PIK3R5: variants seen among roughly 807,000 people sequenced by gnomAD.
PIK3R5 encodes phosphoinositide 3-kinase regulatory subunit 5.
In PIK3R5, 32 loss-of-function variants were observed where a neutral mutation model predicts 94.9. The ratio of observed to expected loss-of-function variants is 0.34; its 90% CI spans 0.25 to 0.45. The LOEUF (loss-of-function observed/expected upper bound fraction) is 0.45, where lower values mean the gene tolerates loss of function less well. Ranked by LOEUF, PIK3R5 falls within the 20% of genes least tolerant of loss-of-function variation. PIK3R5 has a pLI of 1.00. For missense variants in PIK3R5, 853 were observed against 1,144.6 expected (o/e 0.75, Z 3.68); for synonymous variants, 443 against 479.4 (o/e 0.92, Z 0.99).
At chr17:8,963,601 G>C (rs559484386) in intron 1 of PIK3R5, among the ~76,000 whole-genome samples, 1 of 151,432 alleles carries the variant, frequency 6.6e-6, no homozygotes, top group Non-Finnish European at 1.5e-5. Flanking sequence ...GCAGTGAAGC[G>C]ATCATAGCTC....
chr17:8,959,538 G>C (rs1387366960), intron 1 of PIK3R5, among the ~76,000 whole-genome samples: 9 of 152,228 alleles, frequency 5.9e-5, no homozygotes, highest in Admixed American at 5.9e-4. Context: ...TCTAGAGAGA[G>C]TTTGAGACTC....
chr17:8,887,686 G>C lies in PIK3R5; in HGVS notation c.1617-3C>G. 5 of 1,588,412 alleles carry C rather than the reference G, an allele frequency of 3.1e-6. No homozygotes were observed. The highest frequency in any genetic ancestry group is 4.3e-6 in the Non-Finnish European group (5 of 1,167,264). Reference sequence around the variant, plus strand: ...GTGGGCGATTGTTCTCCAGCCGCCTGGCAAGAAGAAGATGGTGAGAAGGGG... The same window carrying C: ...GTGGGCGATTGTTCTCCAGCCGCCTCGCAAGAAGAAGATGGTGAGAAGGGG... On this transcript the variant is annotated splice_region_variant and splice_polypyrimidine_tract_variant and intron_variant, in intron 10 of 18. Coordinates refer to ENST00000447110, the MANE Select transcript of PIK3R5 (RefSeq NM_001142633.3).
At chr17:8,963,204 T>C (rs1179825975) in intron 1 of PIK3R5, among the ~76,000 whole-genome samples, 2 of 152,206 alleles carry the variant, frequency 1.3e-5, no homozygotes, top group Non-Finnish European at 2.9e-5. Context: ...CAAACAGGCA[T>C]TCTGGTTCTC....
chr17:8,936,306 C>T (rs2091075325), intron 1 of PIK3R5, among the ~76,000 whole-genome samples: 2 of 152,156 alleles, frequency 1.3e-5, no homozygotes, highest in African/African-American at 4.8e-5. Flanking sequence ...AGGGTGCACT[C>T]TTTGTGTTGT....
chr17:8,950,201 C>G (rs1458660455), intron 1 of PIK3R5, among the ~76,000 whole-genome samples: 1 of 152,220 alleles, frequency 6.6e-6, no homozygotes, highest in East Asian at 1.9e-4. Context: ...GGCTTCATAA[C>G]CTCACCCAAA....
rs755518335 is a variant in PIK3R5, at chr17:8,888,890, G to A, written c.897C>T (p.Asp299=). 1.0e-5 allele frequency: 16 copies of A among 1,595,328 alleles called. No individual in the cohort carries two copies. Among genetic ancestry groups the A allele is most frequent in the African/African-American group, 2.7e-5 (2 of 74,840 alleles). ...CCTTGAGCAGGATTTCCTGCAGGAT[G>A]TCTGCAGGGAAGCAAGGCCAGCACT... is the stretch of plus-strand genomic sequence containing the variant. The part of the protein sequence containing the change: ...YTYSWSQDSF[D]ILQEILLKEQ... Residue 299 remains aspartate (D), a splice_region_variant and synonymous_variant, in exon 10 of 19, where the codon GAC becomes GAT. Coordinates refer to ENST00000447110, the MANE Select transcript of PIK3R5 (RefSeq NM_001142633.3). The surrounding 1 kb of genome is among the most constrained non-coding windows in gnomAD (Gnocchi z 7.8).
intron 1 of PIK3R5, among the ~76,000 whole-genome samples, chr17:8,951,066 T>A (rs2091367273): frequency 6.6e-6 from 1 of 152,238 alleles, no homozygotes; most frequent in Non-Finnish European, 1.5e-5. Flanking sequence ...ATGAGCATTA[T>A]CTTTGATATG....
At chr17:8,934,215 G>A (rs578129750) in intron 1 of PIK3R5, among the ~76,000 whole-genome samples, 21 of 152,108 alleles carry the variant, frequency 1.4e-4, no homozygotes, top group African/African-American at 2.9e-4. Context: ...TACCATTAGC[G>A]AATTTATCAA....
At chr17:8,919,782 A>G (rs2090698368) in intron 1 of PIK3R5, among the ~76,000 whole-genome samples, 1 of 152,112 alleles carries the variant, frequency 6.6e-6, no homozygotes, top group Admixed American at 6.5e-5. Context: ...TTCCCAGTGC[A>G]TAACAAACAT....
In PIK3R5 at chr17:8,880,533, T is replaced by C. The variant is rs138070444; in HGVS notation, c.*106A>G. ...CATTGCAGGACCCACAGTGGGACTATGGCTCTGCACAGGGCCATTCAGTTC... is the reference window on the plus strand; with the variant it reads ...CATTGCAGGACCCACAGTGGGACTACGGCTCTGCACAGGGCCATTCAGTTC... On this transcript the variant is annotated 3_prime_UTR_variant, in exon 19 of 19. Coordinates refer to ENST00000447110, the MANE Select transcript of PIK3R5 (RefSeq NM_001142633.3). 8,581 of 1,163,504 alleles carry C rather than the reference T, an allele frequency of 7.4e-3. 54 individuals are homozygous for C. The highest frequency in any genetic ancestry group is 0.01 in the Middle Eastern group (35 of 3,440). The allele number at this position is 1,163,504 out of a possible 1,614,324, so 72.1% of individuals were successfully genotyped here.
Position 8,954,494 on chromosome 17 carries a change from G to A in PIK3R5, c.-14+11102C>T, listed in dbSNP as rs544824167. Among the ~76,000 whole-genome samples the A allele has an allele frequency of 1.2e-4, 19 of 152,314 alleles. 1 individual carries two copies. The South Asian group carries it at 3.9e-3, about 32-fold the overall frequency. Reference sequence around the variant, plus strand: ...GAAGCCCCTCTGCCTTGTAAACACCGTGTTGCAAACAGACACTTCCCCAGG... The same window carrying A: ...GAAGCCCCTCTGCCTTGTAAACACCATGTTGCAAACAGACACTTCCCCAGG... On this transcript the variant is annotated intron_variant, in intron 1 of 18. Coordinates refer to ENST00000447110, the MANE Select transcript of PIK3R5 (RefSeq NM_001142633.3).
intron 14 of PIK3R5, among the ~76,000 whole-genome samples, chr17:8,885,424 C>T (rs1270976349): frequency 6.7e-6 from 1 of 148,700 alleles, no homozygotes; most frequent in Non-Finnish European, 1.5e-5. Context: ...AACCCCGCCT[C>T]CCCATGGCCT....
intron 1 of PIK3R5, among the ~76,000 whole-genome samples, chr17:8,939,943 G>A (rs1223682026): frequency 6.6e-6 from 1 of 152,214 alleles, no homozygotes; most frequent in African/African-American, 2.4e-5. Flanking sequence ...TCCAAATAGA[G>A]TGTTTCAGTT....
Position 8,890,260 on chromosome 17 carries a change from A to C in PIK3R5, c.658-134T>G. 1 of 891,976 alleles carries C rather than the reference A, an allele frequency of 1.1e-6. No homozygotes were observed. Among genetic ancestry groups the C allele is most frequent in the Non-Finnish European group, 1.7e-6 (1 of 582,884 alleles). 55.3% of individuals were successfully genotyped at this position (891,976 alleles called of 1,614,324 possible). A position where few individuals can be genotyped will look rare whatever the true frequency, so the allele number is the denominator to read the frequency against. On this transcript the variant is annotated intron_variant, in intron 7 of 18. Transcript: ENST00000447110. The surrounding 1 kb of genome is among the most constrained non-coding windows in gnomAD (Gnocchi z 6.1). ...GCCTCATCACCCATCTCCTACCCAC[A>C]GCTGGCCAGGCAGCCAGGCCTCTCC...
chr17:8,959,640 G>A (rs1457419951), intron 1 of PIK3R5, among the ~76,000 whole-genome samples: 1 of 152,204 alleles, frequency 6.6e-6, no homozygotes, highest in Non-Finnish European at 1.5e-5. Context: ...GGAAGTGGCT[G>A]TATGGAGATT....
Position 8,962,869 on chromosome 17 carries a change from TTCTC to T in PIK3R5, c.-14+2723_-14+2726del, listed in dbSNP as rs1298168564. ...GCAGAAGTCAGATGTACTCTTTCCT[TTCTC>T]TCCTCCCACCCCATCTATATCTGAG... On this transcript the variant is annotated intron_variant, in intron 1 of 18. Transcript: ENST00000447110. Among the ~76,000 whole-genome samples the T allele has an allele frequency of 3.3e-5, 5 of 152,378 alleles. No homozygotes were observed. In the East Asian group the frequency reaches 7.7e-4, roughly 23 times the overall value.
At chr17:8,899,393 G>A (rs926826985) in intron 5 of PIK3R5, among the ~76,000 whole-genome samples, 2 of 152,168 alleles carry the variant, frequency 1.3e-5, no homozygotes, top group Non-Finnish European at 2.9e-5. Context: ...GACTTTACCA[G>A]GACCTACCTT....
chr17:8,959,836 A>G (rs2091529296), intron 1 of PIK3R5, among the ~76,000 whole-genome samples: 1 of 152,244 alleles, frequency 6.6e-6, no homozygotes, highest in Non-Finnish European at 1.5e-5. Flanking sequence ...GAACCCTCCC[A>G]GAACAGCGGC....
chr17:8,930,737 C>T (rs183042234), intron 1 of PIK3R5, among the ~76,000 whole-genome samples: 201 of 152,208 alleles, frequency 1.3e-3, no homozygotes, highest in African/African-American at 4.6e-3. Context: ...GGTTAACTTC[C>T]GGAAAATTAT....
Sources: gnomAD v4.1 joint callset for allele counts (sites outside exome capture counted in the v4.1 genomes callset) on GRCh38, gnomAD v4.1.1 for gene constraint, Gnocchi (gnomAD v3.1) non-coding constraint, MANE v1.5 for transcripts, NCBI Gene and HGNC (gene_info 2026-07-23, HGNC 2026-07-21) for gene names.